The following DRC11 variants were observed in gnomAD, a reference collection of about 807,000 sequenced individuals.
DRC11 encodes dynein regulatory complex subunit 11.
chr2:236,479,129 T>G, the DRC11 span, among the ~76,000 whole-genome samples: 1 of 152,204 alleles, frequency 6.6e-6, no homozygotes, highest in African/African-American at 2.4e-5. The surrounding 1 kb of genome is among the most constrained non-coding windows in gnomAD (Gnocchi z 4.1). Flanking sequence ...CTGGCCAGTT[T>G]GTAGTCTATT....
At chr2:236,380,668 A>G in the DRC11 span, 1 of 1,470,178 alleles carries the variant, frequency 6.8e-7, no homozygotes, top group South Asian at 1.2e-5. This position sits in a 1 kb window ranked among gnomAD's most constrained non-coding sequence, Gnocchi z 4.9. Context: ...CCAACAATTT[A>G]GTCAAAACAA....
At chr2:236,358,246 G>C in the DRC11 span, among the ~76,000 whole-genome samples, 1 of 127,508 alleles carries the variant, frequency 7.8e-6, no homozygotes, top group Non-Finnish European at 1.5e-5. Flanking sequence ...ATAATATATA[G>C]ATGTATACTA....
chr2:236,447,048 G>A, the DRC11 span, among the ~76,000 whole-genome samples: 6 of 151,534 alleles, frequency 4.0e-5, no homozygotes, highest in East Asian at 9.7e-4. The surrounding 1 kb of genome is among the most constrained non-coding windows in gnomAD (Gnocchi z 4.6). Context: ...TAACAAACAC[G>A]CAGCTTCCTG....
At chr2:236,491,176 TATATAC>T in the DRC11 span, among the ~76,000 whole-genome samples, 1,978 of 57,688 alleles carry the variant, frequency 0.034, 115 homozygotes, top group African/African-American at 0.051. Context: ...TATATATATA[TATATAC>T]ACACAGTATA....
At chr2:236,459,574 TAC>T in the DRC11 span, among the ~76,000 whole-genome samples, 64 of 143,262 alleles carry the variant, frequency 4.5e-4, no homozygotes, top group Admixed American at 9.0e-4. Context: ...TATATGTGTA[TAC>T]ATACGTATAT....
the DRC11 span, among the ~76,000 whole-genome samples, chr2:236,360,364 C>A: frequency 6.6e-6 from 1 of 152,120 alleles, no homozygotes; most frequent in Non-Finnish European, 1.5e-5. This position sits in a 1 kb window ranked among gnomAD's most constrained non-coding sequence, Gnocchi z 5.8. Flanking sequence ...GTTGTAAGGA[C>A]TGAGTGAGTT....
the DRC11 span, among the ~76,000 whole-genome samples, chr2:236,403,056 CTA>C: frequency 4.0e-5 from 6 of 150,956 alleles, no homozygotes; most frequent in East Asian, 7.8e-4. Flanking sequence ...TCAGATTGTT[CTA>C]TGTTTGGTCT....
At chr2:236,466,554 C>T in the DRC11 span, among the ~76,000 whole-genome samples, 1,186 of 152,138 alleles carry the variant, frequency 7.8e-3, 46 homozygotes, top group East Asian at 0.12. Context: ...TGGCTTCTGG[C>T]GAGGCCTCAG....
chr2:236,345,119 G>C, the DRC11 span, among the ~76,000 whole-genome samples: 1 of 142,624 alleles, frequency 7.0e-6, no homozygotes, highest in Non-Finnish European at 1.5e-5. Context: ...GCTTCCCTCT[G>C]GGGTGTGCAG....
the DRC11 span, among the ~76,000 whole-genome samples, chr2:236,348,556 G>A: frequency 8.6e-6 from 1 of 116,278 alleles, no homozygotes; most frequent in Non-Finnish European, 1.8e-5. This position sits in a 1 kb window ranked among gnomAD's most constrained non-coding sequence, Gnocchi z 7.4. Context: ...GGTAAGTGAG[G>A]AGGGGGCGGA....
chr2:236,408,004 T>C, the DRC11 span: 1 of 555,386 alleles, frequency 1.8e-6, no homozygotes, highest in Non-Finnish European at 3.5e-6. The surrounding 1 kb of genome is among the most constrained non-coding windows in gnomAD (Gnocchi z 5.5). Flanking sequence ...AGCCCGCTGT[T>C]TGGTCTCAGC....
At chr2:236,450,434 G>C in the DRC11 span, among the ~76,000 whole-genome samples, 1 of 150,208 alleles carries the variant, frequency 6.7e-6, no homozygotes, top group African/African-American at 2.5e-5. Context: ...ATTCTCGTGG[G>C]TCAGCCTCCC....
chr2:236,309,089 A>G, the DRC11 span, among the ~76,000 whole-genome samples: 106 of 152,314 alleles, frequency 7.0e-4, no homozygotes, highest in East Asian at 0.019. The surrounding 1 kb of genome is among the most constrained non-coding windows in gnomAD (Gnocchi z 5.7). Flanking sequence ...TGAGACCCAC[A>G]AGAGAGGCAT....
the DRC11 span, among the ~76,000 whole-genome samples, chr2:236,502,565 A>T: frequency 1.4e-5 from 2 of 146,620 alleles, no homozygotes; most frequent in Non-Finnish European, 3.0e-5. Flanking sequence ...AAAAAAAAAA[A>T]AAAAAAAAAA....
At chr2:236,368,604 CAA>C in the DRC11 span, 34 of 224,260 alleles carry the variant, frequency 1.5e-4, no homozygotes, top group African/African-American at 7.6e-4. Context: ...TGAAATGGGA[CAA>C]AGTGCTAAAA....
the DRC11 span, among the ~76,000 whole-genome samples, chr2:236,376,876 C>T: frequency 1.3e-5 from 2 of 152,140 alleles, no homozygotes; most frequent in African/African-American, 2.4e-5. The surrounding 1 kb of genome is among the most constrained non-coding windows in gnomAD (Gnocchi z 5.7). Context: ...GCTTCTATTA[C>T]GTTAGGGGAG....
chr2:236,413,476 G>A, the DRC11 span, among the ~76,000 whole-genome samples: 1 of 152,138 alleles, frequency 6.6e-6, no homozygotes, highest in South Asian at 2.1e-4. The surrounding 1 kb of genome is among the most constrained non-coding windows in gnomAD (Gnocchi z 4.0). Context: ...ACATTCACTT[G>A]TCCATTTTTG....
chr2:236,458,133 C>T, the DRC11 span, among the ~76,000 whole-genome samples: 1 of 152,154 alleles, frequency 6.6e-6, no homozygotes, highest in Non-Finnish European at 1.5e-5. Flanking sequence ...GGAGCCCACA[C>T]TTGAGTTGTG....
chr2:236,384,413 C>T, the DRC11 span, among the ~76,000 whole-genome samples: 1 of 152,052 alleles, frequency 6.6e-6, no homozygotes, highest in African/African-American at 2.4e-5. Flanking sequence ...CTCTGATGGC[C>T]AGTGATGCTG....
Sources: allele counts gnomAD v4.1 joint callset (sites outside exome capture counted in the v4.1 genomes callset), GRCh38; gene constraint gnomAD v4.1.1; non-coding constraint Gnocchi (gnomAD v3.1); transcripts MANE v1.5; gene names NCBI Gene and HGNC (gene_info 2026-07-23, HGNC 2026-07-21).